Variants in NSMCE2 observed in about 807,000 individuals in gnomAD.
NSMCE2 encodes the protein NSE2 SUMO ligase component of SMC5/6 complex.
Under a neutral mutation model 23.8 loss-of-function variants are expected in NSMCE2, and 24 were observed. That is an observed-to-expected ratio of 1.01 (90% CI 0.73 to 1.42). NSMCE2 has a LOEUF of 1.42. Ranked by LOEUF, NSMCE2 falls within the 40% of genes most tolerant of loss-of-function variation. The pLI is 0.00. For synonymous variants in NSMCE2, 92 were observed against 94.1 expected (o/e 0.98, Z 0.13); for missense variants, 284 against 296.5 (o/e 0.96, Z 0.31).
intron 5 of NSMCE2, among the ~76,000 whole-genome samples, chr8:125,304,584 CG>C (rs1828682131): frequency 6.6e-6 from 1 of 152,010 alleles, no homozygotes; most frequent in Admixed American, 6.6e-5. Context: ...AGGCTGGGTG[CG>C]GTGGCTCACA....
At chr8:125,314,362 T>C (rs1829093108) in intron 5 of NSMCE2, among the ~76,000 whole-genome samples, 2 of 152,180 alleles carry the variant, frequency 1.3e-5, no homozygotes. Context: ...CGATCTCAGG[T>C]CACTACAACC....
At chr8:125,274,390 T>TA (rs1474186287) in intron 5 of NSMCE2, among the ~76,000 whole-genome samples, 5 of 152,224 alleles carry the variant, frequency 3.3e-5, no homozygotes, top group Non-Finnish European at 7.3e-5. Context: ...GATTTTTTTT[T>TA]AGTTCATTTA....
At chr8:125,329,311 AC>A (rs1357333127) in intron 5 of NSMCE2, among the ~76,000 whole-genome samples, 1 of 152,188 alleles carries the variant, frequency 6.6e-6, no homozygotes, top group African/African-American at 2.4e-5. Flanking sequence ...CAATCTGGGG[AC>A]AGCAGGAGCT....
chr8:125,211,117 A>G (rs1824320124), intron 5 of NSMCE2, among the ~76,000 whole-genome samples: 1 of 152,108 alleles, frequency 6.6e-6, no homozygotes, highest in African/African-American at 2.4e-5. Flanking sequence ...CTGTTCTATT[A>G]TACATTTTAT....
At chr8:125,233,214 A>G (rs1385141878) in intron 5 of NSMCE2, among the ~76,000 whole-genome samples, 1 of 152,216 alleles carries the variant, frequency 6.6e-6, no homozygotes, top group East Asian at 1.9e-4. Flanking sequence ...GCTGTGATAA[A>G]CCCTGCTTTA....
At chr8:125,146,321 C>T (rs1820673198) in intron 3 of NSMCE2, among the ~76,000 whole-genome samples, 1 of 152,214 alleles carries the variant, frequency 6.6e-6, no homozygotes, top group Non-Finnish European at 1.5e-5. Flanking sequence ...AGGCCTGGCG[C>T]TGCTGCTAAC....
At chr8:125,251,300 G>T (rs1826188117) in intron 5 of NSMCE2, among the ~76,000 whole-genome samples, 1 of 151,980 alleles carries the variant, frequency 6.6e-6, no homozygotes, top group Non-Finnish European at 1.5e-5. Flanking sequence ...ACATAATACA[G>T]AAAATGCCCA....
chr8:125,314,570 C>T (rs1022320354), intron 5 of NSMCE2, among the ~76,000 whole-genome samples: 2 of 152,120 alleles, frequency 1.3e-5, no homozygotes, highest in African/African-American at 4.8e-5. Context: ...GATTACAGGC[C>T]TGAGCCATTG....
chr8:125,288,846 G>A (rs1413362878), intron 5 of NSMCE2, among the ~76,000 whole-genome samples: 1 of 152,032 alleles, frequency 6.6e-6, no homozygotes, highest in Non-Finnish European at 1.5e-5. Context: ...CCTAGCTGGA[G>A]TGCAGTGGCT....
intron 5 of NSMCE2, among the ~76,000 whole-genome samples, chr8:125,296,589 G>T (rs1334454195): frequency 6.6e-6 from 1 of 151,916 alleles, no homozygotes; most frequent in Non-Finnish European, 1.5e-5. Flanking sequence ...TAGAGATGGG[G>T]TTTCACACGT....
chr8:125,306,752 G>A (rs928575527), intron 5 of NSMCE2, among the ~76,000 whole-genome samples: 2 of 152,138 alleles, frequency 1.3e-5, no homozygotes, highest in Admixed American at 6.5e-5. Flanking sequence ...ATGGTTAAAA[G>A]TACAGGTCCT....
intron 1 of NSMCE2, among the ~76,000 whole-genome samples, chr8:125,092,508 GT>G (rs1446401039): frequency 6.6e-6 from 1 of 152,212 alleles, no homozygotes; most frequent in African/African-American, 2.4e-5. Flanking sequence ...TGAGCAAATA[GT>G]TGTGATGAGT....
At position 125,235,905 on chromosome 8, in the gene NSMCE2, C is replaced by G. The variant is rs567790741; in HGVS notation, c.418+53649C>G. ...CTTCTAATCCCTAAGGAGTTATGACCTAGTAGGTAAGAGTCCACATTTTAC... is the reference window on the plus strand; with the variant it reads ...CTTCTAATCCCTAAGGAGTTATGACGTAGTAGGTAAGAGTCCACATTTTAC... On this transcript the variant is annotated intron_variant, in intron 5 of 7. Coordinates refer to ENST00000287437, the MANE Select transcript of NSMCE2 (RefSeq NM_173685.4). Among the ~76,000 whole-genome samples the G allele has an allele frequency of 4.6e-5, 7 of 152,204 alleles. No individual in the cohort carries two copies. In the East Asian group the frequency reaches 1.3e-3, roughly 29 times the overall value.
chr8:125,247,833 C>G (rs1421600610), intron 5 of NSMCE2, among the ~76,000 whole-genome samples: 2 of 152,046 alleles, frequency 1.3e-5, no homozygotes, highest in Non-Finnish European at 2.9e-5. Context: ...CATTTTCAGT[C>G]ATTATTACTA....
chr8:125,342,499 G>A (rs1038729296), intron 5 of NSMCE2, among the ~76,000 whole-genome samples: 2 of 152,140 alleles, frequency 1.3e-5, no homozygotes, highest in East Asian at 3.9e-4. Context: ...AAGTGGACAA[G>A]GAGGGGGTGG....
rs117807542 is a variant in NSMCE2 at position 125,167,802 on chromosome 8, A to G, written c.265-14301A>G. ...TTTTAGGAAACATGTTTTCTACATT[A>G]GAAATGCAAGCATTGGGGGAAGTTT... On this transcript the variant is annotated intron_variant, in intron 4 of 7. Coordinates refer to ENST00000287437, the MANE Select transcript of NSMCE2 (RefSeq NM_173685.4). Among the ~76,000 whole-genome samples, 80 of 151,764 alleles carry G rather than the reference A, an allele frequency of 5.3e-4. 1 individual carries two copies. The East Asian group carries it at 0.014, about 26-fold the overall frequency.
intron 4 of NSMCE2, among the ~76,000 whole-genome samples, chr8:125,165,952 C>A (rs1476216314): frequency 6.6e-6 from 1 of 152,062 alleles, no homozygotes; most frequent in African/African-American, 2.4e-5. Context: ...TGGGAGTGAA[C>A]AGAGCAGGTA....
intron 1 of NSMCE2, among the ~76,000 whole-genome samples, chr8:125,098,542 T>A (rs1406075784): frequency 6.6e-6 from 1 of 152,090 alleles, no homozygotes; most frequent in Admixed American, 6.6e-5. Flanking sequence ...GGAGACCAGG[T>A]AGGAGACTGT....
At chr8:125,232,127 T>A (rs913822198) in intron 5 of NSMCE2, among the ~76,000 whole-genome samples, 4 of 152,134 alleles carry the variant, frequency 2.6e-5, no homozygotes, top group Non-Finnish European at 5.9e-5. Context: ...TTTGGGAGGC[T>A]GAGGCCGGTG....
Sources: gnomAD v4.1 joint callset for allele counts (sites outside exome capture counted in the v4.1 genomes callset) on GRCh38, gnomAD v4.1.1 for gene constraint, MANE v1.5 for transcripts, NCBI Gene and HGNC (gene_info 2026-07-23, HGNC 2026-07-21) for gene names.